SERGEF: variants seen among roughly 807,000 people sequenced by gnomAD.
The protein encoded by SERGEF is secretion-regulating guanine nucleotide exchange factor.
A neutral mutation model predicts 50.0 loss-of-function variants in SERGEF; 51 were observed. The ratio of observed to expected loss-of-function variants is 1.02; its 90% CI spans 0.81 to 1.29. The LOEUF (loss-of-function observed/expected upper bound fraction) is 1.29. Among genes scored for constraint, SERGEF ranks in the 50% most tolerant of loss-of-function variants. SERGEF has a pLI of 0.00. For synonymous variants in SERGEF, 205 were observed against 212.4 expected (o/e 0.97, Z 0.30); for missense variants, 521 against 557.0 (o/e 0.94, Z 0.65).
intron 9 of SERGEF, among the ~76,000 whole-genome samples, chr11:17,930,841 A>G (rs1156626976): frequency 6.6e-6 from 1 of 152,178 alleles, no homozygotes; most frequent in Non-Finnish European, 1.5e-5. Flanking sequence ...AAGGGCCCTT[A>G]CAGTGAGAAA....
intron 3 of SERGEF, 47 bp from the exon 4 acceptor site, chr11:18,004,582 C>A: frequency 7.3e-7 from 1 of 1,365,018 alleles, no homozygotes; most frequent in South Asian, 1.2e-5. Context: ...AGTAAGATGT[C>A]TGTGACCAAT....
At chr11:17,970,621 A>AC (rs1247627062) in intron 8 of SERGEF, among the ~76,000 whole-genome samples, 6 of 152,368 alleles carry the variant, frequency 3.9e-5, no homozygotes, top group African/African-American at 1.4e-4. Context: ...GCACCTGTTA[A>AC]GCAAGTTGTG....
At chr11:17,861,350 T>TA (rs1366568393) in intron 10 of SERGEF, among the ~76,000 whole-genome samples, 1 of 152,214 alleles carries the variant, frequency 6.6e-6, no homozygotes, top group Non-Finnish European at 1.5e-5. Flanking sequence ...ACCCACAGTT[T>TA]AGAGAGGGTG....
chr11:17,980,510 A>G (rs544819690), intron 8 of SERGEF, among the ~76,000 whole-genome samples: 1 of 152,228 alleles, frequency 6.6e-6, no homozygotes, highest in Non-Finnish European at 1.5e-5. Flanking sequence ...AAAATATTCA[A>G]AATTCATCAT....
intron 9 of SERGEF, among the ~76,000 whole-genome samples, chr11:17,950,137 A>G (rs893398471): frequency 1.3e-4 from 20 of 152,226 alleles, no homozygotes; most frequent in Non-Finnish European, 2.2e-4. Context: ...CAGGATAGGA[A>G]GCCGTCAGAA....
rs774609015 is a variant in SERGEF, at chr11:17,846,674, T to C, written c.1048+31534A>G. 7.3e-4 allele frequency: 333 copies of C among 456,248 alleles called. 2 individuals are homozygous for C. The highest frequency in any genetic ancestry group is 1.4e-3 in the Non-Finnish European group (309 of 226,924). The allele number at this position is 456,248 out of a possible 1,614,324, so 28.3% of individuals were successfully genotyped here. ...AAATGGCTCCATGACACATGAACAC[T>C]GTGATCTTGAGTATATCTCTTAATT... On this transcript the variant is annotated intron_variant, in intron 10 of 10. Transcript: ENST00000265965.
intron 9 of SERGEF, among the ~76,000 whole-genome samples, chr11:17,919,070 C>A (rs988982540): frequency 2.0e-5 from 3 of 152,172 alleles, no homozygotes; most frequent in African/African-American, 7.2e-5. Context: ...CATTGAACCC[C>A]AAATCCTTTT....
intron 8 of SERGEF, among the ~76,000 whole-genome samples, chr11:17,983,276 G>A (rs868580128): frequency 2.6e-5 from 4 of 152,128 alleles, no homozygotes; most frequent in South Asian, 2.1e-4. Context: ...CTAACACACC[G>A]TCAGCAACCA....
intron 10 of SERGEF, among the ~76,000 whole-genome samples, chr11:17,797,430 C>T (rs1229832308): frequency 1.3e-5 from 2 of 152,210 alleles, no homozygotes; most frequent in Non-Finnish European, 2.9e-5. Flanking sequence ...TTGGCCCTGA[C>T]AGCCACAGGT....
At chr11:18,007,122 C>G (rs571935434) in intron 2 of SERGEF, among the ~76,000 whole-genome samples, 64 of 152,264 alleles carry the variant, frequency 4.2e-4, no homozygotes, top group Non-Finnish European at 5.9e-4. Flanking sequence ...CTTTCAGAGG[C>G]CCACAGAGTG....
intron 9 of SERGEF, among the ~76,000 whole-genome samples, chr11:17,899,893 C>T (rs1851716297): frequency 6.6e-6 from 1 of 150,970 alleles, no homozygotes; most frequent in Non-Finnish European, 1.5e-5. Flanking sequence ...GAGTTCAAGG[C>T]TGCAGAGAGC....
rs564030350 is a variant in SERGEF, at chr11:17,976,907, C to T, written c.844+11690G>A. 2.0e-5 allele frequency among the ~76,000 whole-genome samples: 3 copies of T among 152,370 alleles called. No homozygotes were observed. In the South Asian group the frequency reaches 6.2e-4, roughly 32 times the overall value. ...GGAAGCCAAGGTCTCAAGGCAAGGC[C>T]TTGCAGATAGGCAGGAGCAAAGCTG... On this transcript the variant is annotated intron_variant, in intron 8 of 10. Transcript: ENST00000265965.
At chr11:17,903,501 C>A (rs1423950593) in intron 9 of SERGEF, among the ~76,000 whole-genome samples, 1 of 152,070 alleles carries the variant, frequency 6.6e-6, no homozygotes, top group Non-Finnish European at 1.5e-5. Context: ...ACAAGGTTAC[C>A]CTAGATAGAT....
At chr11:18,010,098 TGAG>T in intron 1 of SERGEF, 1 of 1,256,948 alleles carries the variant, frequency 8.0e-7, no homozygotes, top group South Asian at 1.3e-5. Context: ...TTCCTGGAGA[TGAG>T]AAGTAAAATC....
chr11:17,837,721 C>T (rs919949993), intron 10 of SERGEF, among the ~76,000 whole-genome samples: 2 of 147,038 alleles, frequency 1.4e-5, no homozygotes, highest in East Asian at 2.0e-4. Context: ...TACAGTGTGG[C>T]ACTGTCTTGG....
chr11:17,885,688 A>G (rs1159754507), intron 9 of SERGEF, among the ~76,000 whole-genome samples: 3 of 152,004 alleles, frequency 2.0e-5, no homozygotes, highest in Admixed American at 2.0e-4. Context: ...TTACTGTTTA[A>G]CACACATTTT....
intron 9 of SERGEF, among the ~76,000 whole-genome samples, chr11:17,920,097 A>T (rs964095336): frequency 2.6e-5 from 4 of 150,994 alleles, no homozygotes; most frequent in African/African-American, 9.8e-5. Flanking sequence ...AATATAAAAA[A>T]TTAGCTGGGC....
In SERGEF at chr11:17,819,600, G is replaced by A. The variant is rs574725131; in HGVS notation, c.1049-31187C>T. On this transcript the variant is annotated intron_variant, in intron 10 of 10. Transcript: ENST00000265965. ...TCTACTCTGCCACTCTGCCTCCGGT[G>A]CAGGACCAAAACATGTTCATCTCTG... 5.9e-5 allele frequency among the ~76,000 whole-genome samples: 9 copies of A among 152,314 alleles called. No individual in the cohort carries two copies. In the East Asian group the frequency reaches 1.7e-3, roughly 29 times the overall value.
chr11:17,924,612 A>C (rs1852216389), intron 9 of SERGEF, among the ~76,000 whole-genome samples: 1 of 150,474 alleles, frequency 6.6e-6, no homozygotes, highest in South Asian at 2.1e-4. Context: ...GGGTAGAAAA[A>C]AGGGGTAAGA....
Sources: gnomAD v4.1 joint callset for allele counts (sites outside exome capture counted in the v4.1 genomes callset) on GRCh38, gnomAD v4.1.1 for gene constraint, MANE v1.5 for transcripts, NCBI Gene and HGNC (gene_info 2026-07-23, HGNC 2026-07-21) for gene names.